Variants in PDE4D observed in about 807,000 individuals in gnomAD.
PDE4D encodes the protein 3',5'-cyclic-AMP phosphodiesterase 4D.
A neutral mutation model predicts 87.4 loss-of-function variants in PDE4D; 24 were observed. The observed-to-expected ratio is 0.27, with a 90% confidence interval of 0.20 to 0.39. PDE4D has a LOEUF of 0.39. Ranked by LOEUF, PDE4D falls within the 10% of genes least tolerant of loss-of-function variation. The pLI, the probability that PDE4D is intolerant of heterozygous loss-of-function variation, is 1.00. For missense variants in PDE4D, 714 were observed against 1,041.0 expected (o/e 0.69, Z 4.32); for synonymous variants, 384 against 383.2 (o/e 1.00, Z -0.02).
At chr5:60,114,565 T>A (rs373018321) in intron 2 of PDE4D, among the ~76,000 whole-genome samples, 3 of 152,018 alleles carry the variant, frequency 2.0e-5, no homozygotes, top group East Asian at 3.8e-4. Flanking sequence ...GAGAACATAA[T>A]TACTGAATCT....
At chr5:60,296,158 AT>A (rs1274427659) in intron 1 of PDE4D, among the ~76,000 whole-genome samples, 1 of 152,134 alleles carries the variant, frequency 6.6e-6, no homozygotes. Context: ...CAACATATGA[AT>A]TTTGGAGGGA....
chr5:60,498,979 A>C (rs2150243814), intron 1 of PDE4D, among the ~76,000 whole-genome samples: 1 of 152,324 alleles, frequency 6.6e-6, no homozygotes, highest in Non-Finnish European at 1.5e-5. Flanking sequence ...CAATGGCATT[A>C]GCTCCCTCTC....
At chr5:59,726,708 T>G (rs1305820022) in intron 1 of PDE4D, among the ~76,000 whole-genome samples, 3 of 152,154 alleles carry the variant, frequency 2.0e-5, no homozygotes, top group Non-Finnish European at 4.4e-5. Flanking sequence ...GTTATAAATT[T>G]AATATTGATA....
chr5:59,051,446 T>A (rs1761539578), intron 5 of PDE4D, among the ~76,000 whole-genome samples: 1 of 152,262 alleles, frequency 6.6e-6, no homozygotes, highest in Admixed American at 6.5e-5. Flanking sequence ...AATATGTATT[T>A]GTCATTGGTT....
chr5:60,112,023 T>A (rs1307175015), intron 2 of PDE4D, among the ~76,000 whole-genome samples: 2 of 152,008 alleles, frequency 1.3e-5, no homozygotes, highest in South Asian at 2.1e-4. Flanking sequence ...TCTGCATCGA[T>A]TATATGGCTT....
intron 1 of PDE4D, among the ~76,000 whole-genome samples, chr5:59,741,831 T>C (rs1758885277): frequency 6.6e-6 from 1 of 152,194 alleles, no homozygotes; most frequent in Admixed American, 6.5e-5. Context: ...CTGTATGTCA[T>C]CTAAGTTTAA....
intron 2 of PDE4D, among the ~76,000 whole-genome samples, chr5:60,107,328 T>C (rs1187820343): frequency 6.6e-6 from 1 of 152,062 alleles, no homozygotes; most frequent in Non-Finnish European, 1.5e-5. Context: ...AATCTCTGAA[T>C]AGACCAATAA....
At chr5:59,279,245 G>C (rs1253778038) in intron 1 of PDE4D, among the ~76,000 whole-genome samples, 1 of 151,782 alleles carries the variant, frequency 6.6e-6, no homozygotes, top group Non-Finnish European at 1.5e-5. Context: ...TAACTTTTTA[G>C]AAAAAAAGAC....
intron 1 of PDE4D, among the ~76,000 whole-genome samples, chr5:60,265,811 A>T (rs575013624): frequency 6.6e-6 from 1 of 152,316 alleles, no homozygotes; most frequent in South Asian, 2.1e-4. Context: ...CCTCCTGCCA[A>T]GCTGAGCCCC....
At chr5:59,741,850 T>C (rs540720893) in intron 1 of PDE4D, among the ~76,000 whole-genome samples, 91 of 152,276 alleles carry the variant, frequency 6.0e-4, no homozygotes, top group Non-Finnish European at 1.1e-3. Flanking sequence ...AACGGTAAAC[T>C]TCTAGTAGTC....
intron 5 of PDE4D, among the ~76,000 whole-genome samples, chr5:59,153,191 T>C (rs997537012): frequency 1.3e-5 from 2 of 152,148 alleles, no homozygotes; most frequent in Admixed American, 6.6e-5. Context: ...AGTGTTTCCA[T>C]GAGGCTGAAT....
At chr5:59,817,742 A>ACACC (rs1554091273) in intron 1 of PDE4D, among the ~76,000 whole-genome samples, 2 of 122,242 alleles carry the variant, frequency 1.6e-5, no homozygotes, top group African/African-American at 2.7e-5. Flanking sequence ...ACACACCCAC[A>ACACC]CCCCCCCCCA....
intron 3 of PDE4D, among the ~76,000 whole-genome samples, chr5:59,913,883 T>G (rs1182130650): frequency 1.3e-5 from 2 of 152,154 alleles, no homozygotes; most frequent in Non-Finnish European, 2.9e-5. Context: ...CATGAAATTG[T>G]AGTTTTTAAT....
chr5:59,643,446 G>C (rs1217067373), intron 1 of PDE4D, among the ~76,000 whole-genome samples: 1 of 152,172 alleles, frequency 6.6e-6, no homozygotes, highest in Non-Finnish European at 1.5e-5. Context: ...AAAGACACGA[G>C]GAAACTTTTG....
At chr5:59,476,749 C>T (rs1285205191) in intron 1 of PDE4D, among the ~76,000 whole-genome samples, 1 of 152,008 alleles carries the variant, frequency 6.6e-6, no homozygotes, top group Admixed American at 6.6e-5. Context: ...TGTCCATCTC[C>T]TCCCATCCCT....
At chr5:60,022,541 A>T (rs1766177173) in intron 2 of PDE4D, 1 of 152,208 alleles carries the variant, frequency 6.6e-6, no homozygotes, top group South Asian at 2.1e-4. Context: ...TTTCTATTAC[A>T]GACAGGGATA....
intron 1 of PDE4D, among the ~76,000 whole-genome samples, chr5:59,819,553 T>A (rs1769399073): frequency 6.6e-6 from 1 of 152,246 alleles, no homozygotes; most frequent in African/African-American, 2.4e-5. Context: ...TCCTTGATTT[T>A]GGTACAATTT....
chr5:59,402,861 T>G (rs906584836), intron 1 of PDE4D, among the ~76,000 whole-genome samples: 1 of 152,120 alleles, frequency 6.6e-6, no homozygotes, highest in Non-Finnish European at 1.5e-5. Context: ...TTCACCTCTC[T>G]ACTTCCCTCT....
At chr5:59,144,689 A>C (rs1193504503) in intron 5 of PDE4D, among the ~76,000 whole-genome samples, 1 of 152,180 alleles carries the variant, frequency 6.6e-6, no homozygotes, top group Non-Finnish European at 1.5e-5. Flanking sequence ...TGAGTTCAAC[A>C]AAGTTTATCT....
Sources: gnomAD v4.1 joint callset for allele counts (sites outside exome capture counted in the v4.1 genomes callset) on GRCh38, gnomAD v4.1.1 for gene constraint, MANE v1.5 for transcripts, NCBI Gene and HGNC (gene_info 2026-07-23, HGNC 2026-07-21) for gene names.